Variants in DOK6 observed in about 807,000 individuals in gnomAD.
DOK6 encodes the protein downstream of tyrosine kinase 6.
A neutral mutation model predicts 44.0 loss-of-function variants in DOK6; 22 were observed. The observed-to-expected ratio is 0.50, with a 90% confidence interval of 0.36 to 0.71. The LOEUF (loss-of-function observed/expected upper bound fraction) is 0.71. Ranked by LOEUF, DOK6 falls within the 30% of genes least tolerant of loss-of-function variation. DOK6 has a pLI of 0.00. For missense variants in DOK6, 340 were observed against 416.4 expected (o/e 0.82, Z 1.60); for synonymous variants, 166 against 145.5 (o/e 1.14, Z -1.01).
intron 4 of DOK6, among the ~76,000 whole-genome samples, chr18:69,686,360 G>C (rs1344368309): frequency 1.3e-5 from 2 of 152,034 alleles, no homozygotes; most frequent in African/African-American, 4.8e-5. Context: ...TAATAATTCA[G>C]TTGCTCTACA....
intron 7 of DOK6, among the ~76,000 whole-genome samples, chr18:69,827,209 A>C (rs1981766459): frequency 6.6e-6 from 1 of 152,078 alleles, no homozygotes; most frequent in South Asian, 2.1e-4. Flanking sequence ...AAAATTATCC[A>C]ATCTGTTTGG....
At chr18:69,604,242 T>C (rs1983943859) in intron 3 of DOK6, among the ~76,000 whole-genome samples, 1 of 152,234 alleles carries the variant, frequency 6.6e-6, no homozygotes, top group Non-Finnish European at 1.5e-5. Context: ...TTCTGTTTTT[T>C]AAAAATTTTC....
chr18:69,510,910 A>T (rs1385250437), intron 1 of DOK6, among the ~76,000 whole-genome samples: 1 of 152,136 alleles, frequency 6.6e-6, no homozygotes, highest in Non-Finnish European at 1.5e-5. Context: ...AATTATAATT[A>T]TATGGAGGAA....
intron 1 of DOK6, among the ~76,000 whole-genome samples, chr18:69,405,347 C>T (rs935020322): frequency 2.0e-5 from 3 of 152,070 alleles, no homozygotes; most frequent in African/African-American, 7.2e-5. Flanking sequence ...TAGCTGGACA[C>T]GGTGGCTCAC....
At chr18:69,796,544 A>G (rs141335221) in intron 7 of DOK6, among the ~76,000 whole-genome samples, 171 of 152,310 alleles carry the variant, frequency 1.1e-3, no homozygotes, top group African/African-American at 4.0e-3. Context: ...CCTATCCTTA[A>G]AAATAGAGTG....
chr18:69,821,618 G>T (rs1042914698), intron 7 of DOK6, among the ~76,000 whole-genome samples: 2 of 152,012 alleles, frequency 1.3e-5, no homozygotes, highest in African/African-American at 4.8e-5. Context: ...ATTAAAACAC[G>T]CTTCACTCTT....
chr18:69,608,583 G>A (rs1378494875), intron 3 of DOK6, among the ~76,000 whole-genome samples: 1 of 152,148 alleles, frequency 6.6e-6, no homozygotes, highest in East Asian at 1.9e-4. Context: ...TCTGTGGATT[G>A]TTTTGGGTAG....
intron 3 of DOK6, among the ~76,000 whole-genome samples, chr18:69,649,316 A>G (rs1043857709): frequency 6.6e-6 from 1 of 152,240 alleles, no homozygotes; most frequent in African/African-American, 2.4e-5. Context: ...TCTCAAAGAA[A>G]TAATTTATGT....
At chr18:69,471,187 T>G (rs1359971790) in intron 1 of DOK6, among the ~76,000 whole-genome samples, 2 of 133,782 alleles carry the variant, frequency 1.5e-5, no homozygotes. Context: ...GAGGCAGAGG[T>G]TGCGGTGAGC....
intron 1 of DOK6, among the ~76,000 whole-genome samples, chr18:69,489,772 A>G (rs1048807174): frequency 2.0e-5 from 3 of 152,246 alleles, no homozygotes; most frequent in African/African-American, 4.8e-5. Context: ...ACGATTTGGT[A>G]TGTCTTAGGT....
At position 69,710,778 on chromosome 18, in the gene DOK6, A is replaced by T. The variant is rs1015620206; in HGVS notation, c.599+12185A>T. 7.2e-5 allele frequency among the ~76,000 whole-genome samples: 11 copies of T among 152,240 alleles called. No homozygotes were observed. The East Asian group carries it at 2.1e-3, about 29-fold the overall frequency. Reference sequence around the variant, plus strand: ...AAGATATTCTGCCATGAGAACAAAAACCGATTAAACTACAAATAAAATTGG... The same window carrying T: ...AAGATATTCTGCCATGAGAACAAAATCCGATTAAACTACAAATAAAATTGG... On this transcript the variant is annotated intron_variant, in intron 5 of 7. Transcript: ENST00000382713.
chr18:69,736,086 T>A (rs918765244), intron 5 of DOK6, among the ~76,000 whole-genome samples: 1 of 152,148 alleles, frequency 6.6e-6, no homozygotes, highest in Non-Finnish European at 1.5e-5. Context: ...CACAGTAAGT[T>A]TGTGATTCTT....
intron 1 of DOK6, among the ~76,000 whole-genome samples, chr18:69,561,263 C>G (rs552499481): frequency 6.6e-6 from 1 of 152,088 alleles, no homozygotes; most frequent in Admixed American, 6.6e-5. Context: ...ATAATGTAAA[C>G]CTATGTCTGT....
chr18:69,563,779 T>G, intron 1 of DOK6, among the ~76,000 whole-genome samples: 1 of 151,842 alleles, frequency 6.6e-6, no homozygotes, highest in Non-Finnish European at 1.5e-5. Context: ...TGTGCGCATA[T>G]AACCTAAAAC....
intron 1 of DOK6, among the ~76,000 whole-genome samples, chr18:69,403,965 AT>A (rs1275981781): frequency 2.0e-5 from 3 of 152,190 alleles, no homozygotes; most frequent in African/African-American, 7.2e-5. Context: ...AGTTTTTGTG[AT>A]TTATGTCCAA....
At chr18:69,753,603 AAG>A (rs923216777) in intron 6 of DOK6, among the ~76,000 whole-genome samples, 7 of 152,354 alleles carry the variant, frequency 4.6e-5, no homozygotes, top group South Asian at 2.1e-4. Flanking sequence ...GAATAGAAGG[AAG>A]AGAGAGTTAG....
intron 7 of DOK6, among the ~76,000 whole-genome samples, chr18:69,801,899 A>G (rs1980914982): frequency 6.6e-6 from 1 of 152,146 alleles, no homozygotes; most frequent in South Asian, 2.1e-4. Flanking sequence ...ATAGGAAACA[A>G]TTTCTGTTAG....
chr18:69,630,208 A>G (rs1306445619), intron 3 of DOK6, among the ~76,000 whole-genome samples: 2 of 152,308 alleles, frequency 1.3e-5, no homozygotes, highest in Non-Finnish European at 2.9e-5. Context: ...GTGTCTCTAC[A>G]TGCCAATAAC....
intron 3 of DOK6, among the ~76,000 whole-genome samples, chr18:69,668,282 A>G (rs1441501875): frequency 6.6e-6 from 1 of 151,816 alleles, no homozygotes; most frequent in African/African-American, 2.4e-5. Flanking sequence ...CTGCTTTTTT[A>G]GTGGCAACTT....
Sources: allele counts gnomAD v4.1 joint callset (sites outside exome capture counted in the v4.1 genomes callset), GRCh38; gene constraint gnomAD v4.1.1; transcripts MANE v1.5; gene names NCBI Gene and HGNC (gene_info 2026-07-23, HGNC 2026-07-21).